Variants in TUB observed in about 807,000 individuals in gnomAD.
TUB encodes TUB bipartite transcription factor.
TUB carries 33 observed loss-of-function variants against 59.7 expected under a neutral mutation model. The ratio of observed to expected loss-of-function variants is 0.55; its 90% CI spans 0.42 to 0.74. The LOEUF is 0.74. Ranked by LOEUF, TUB falls within the 30% of genes least tolerant of loss-of-function variation. The probability of loss-of-function intolerance (pLI) is 0.00; values close to 1 mark genes in which losing one functional copy is unlikely to be tolerated. For synonymous variants in TUB, 293 were observed against 256.4 expected (o/e 1.14, Z -1.36); for missense variants, 659 against 672.0 (o/e 0.98, Z 0.21).
In TUB at chr11:8,106,238, T is replaced by C. The variant is rs1483569933; in HGVS notation, c.*4619T>C. On this transcript the variant is annotated 3_prime_UTR_variant, in exon 12 of 12. Transcript: ENST00000299506. ...ATCAACAAATTAAACTTGAATCGTT[T>C]CAACACTTCTGTGTACTTTTTTCAT... 1 of 152,228 alleles carries C rather than the reference T, an allele frequency of 6.6e-6. No individual in the cohort carries two copies. The highest frequency in any genetic ancestry group is 1.5e-5 in the Non-Finnish European group (1 of 68,038). 9.4% of individuals were successfully genotyped at this position (152,228 alleles called of 1,614,324 possible).
At chr11:8,028,488 T>C (rs2133705253) in intron 1 of TUB, among the ~76,000 whole-genome samples, 1 of 152,358 alleles carries the variant, frequency 6.6e-6, no homozygotes, top group African/African-American at 2.4e-5. Flanking sequence ...GTGTCATATC[T>C]AAGAATCCAT....
At chr11:8,024,424 C>CT (rs986384985) in intron 1 of TUB, among the ~76,000 whole-genome samples, 6 of 152,086 alleles carry the variant, frequency 3.9e-5, no homozygotes, top group African/African-American at 1.2e-4. Flanking sequence ...CACAACAGCC[C>CT]TTCCAAACCT....
At chr11:8,038,515 C>T (rs187722302), upstream of TUB, 1 of 770,836 alleles carries the variant, frequency 1.3e-6, no homozygotes, top group Non-Finnish European at 1.6e-6. Flanking sequence ...CCTTTGTCCG[C>T]AGTGCACTTG....
At chr11:8,028,270 TATC>T (rs1295522286) in intron 1 of TUB, among the ~76,000 whole-genome samples, 1 of 152,236 alleles carries the variant, frequency 6.6e-6, no homozygotes, top group African/African-American at 2.4e-5. Context: ...TCTAAGTTCT[TATC>T]ATTTTTAATT....
In TUB at chr11:8,101,601, C is replaced by T. The variant is rs1200769204; in HGVS notation, c.1503C>T (p.Ser501=). The part of the protein sequence containing the change: ...AFAIALSSFD[S]KLACE Reference sequence around the variant, plus strand: ...CCATTGCCCTGTCCAGCTTCGACAGCAAGCTGGCGTGCGAGTAGAGGCCTC... The same window carrying T: ...CCATTGCCCTGTCCAGCTTCGACAGTAAGCTGGCGTGCGAGTAGAGGCCTC... Residue 501 remains serine (S), a synonymous_variant, in exon 12 of 12, where the codon AGC becomes AGT. Coordinates refer to ENST00000299506, the MANE Select transcript of TUB (RefSeq NM_177972.3). The T allele has an allele frequency of 1.9e-6, 3 of 1,614,114 alleles. No homozygotes were observed. The highest frequency in any genetic ancestry group is 1.7e-6 in the Non-Finnish European group (2 of 1,180,040).
chr11:8,038,074 C>T (rs572839855), upstream of TUB, among the ~76,000 whole-genome samples: 7 of 152,196 alleles, frequency 4.6e-5, no homozygotes, highest in African/African-American at 1.4e-4. Context: ...CAGAAAGCTA[C>T]GATGGTGCCT....
intron 2 of TUB, among the ~76,000 whole-genome samples, chr11:8,054,047 G>A (rs10839971): frequency 0.99 from 150,185 of 151,644 alleles, 74,392 homozygotes; most frequent in Middle Eastern, 1. Flanking sequence ...CCCGGGAGGC[G>A]GAGCTTGCAG....
chr11:8,044,681 A>G (rs1942802556), intron 2 of TUB, among the ~76,000 whole-genome samples: 1 of 152,208 alleles, frequency 6.6e-6, no homozygotes, highest in Non-Finnish European at 1.5e-5. Flanking sequence ...CCCACAGTTT[A>G]AGGGCTCAGT....
rs1377319678 is a variant in TUB, at chr11:8,103,763, T to C, written c.*2144T>C. 6.5e-6 allele frequency: 1 copy of C among 152,698 alleles called. No individual in the cohort carries two copies. Among genetic ancestry groups the C allele is most frequent in the East Asian group, 1.9e-4 (1 of 5,194 alleles). 9.5% of individuals were successfully genotyped at this position (152,698 alleles called of 1,614,324 possible). On this transcript the variant is annotated 3_prime_UTR_variant, in exon 12 of 12. Coordinates refer to ENST00000299506, the MANE Select transcript of TUB (RefSeq NM_177972.3). ...TTGAGATGATGGAAACTAGATCGTC[T>C]CTAATGTTAGGTCAAGCTATTTCTC...
intron 4 of TUB, 123 bp downstream of exon 4, chr11:8,094,312 C>A: frequency 7.8e-7 from 1 of 1,287,192 alleles, no homozygotes; most frequent in Non-Finnish European, 1.1e-6. Flanking sequence ...AAGACACAGA[C>A]TGCCACTCTG....
In TUB at chr11:8,102,008, C is replaced by T; in HGVS notation, c.*389C>T. On this transcript the variant is annotated 3_prime_UTR_variant, in exon 12 of 12. Transcript: ENST00000299506. ...GGCTGCTGTGGCCCAGTCGTCCGCTCAGCCAAGGAGTCAGATGGCAATGGG... is the reference window on the plus strand; with the variant it reads ...GGCTGCTGTGGCCCAGTCGTCCGCTTAGCCAAGGAGTCAGATGGCAATGGG... 1 of 219,382 alleles carries T rather than the reference C, an allele frequency of 4.6e-6. No homozygotes were observed. The highest frequency in any genetic ancestry group is 9.1e-6 in the Non-Finnish European group (1 of 110,376). 13.6% of individuals were successfully genotyped at this position (219,382 alleles called of 1,614,324 possible). A position where few individuals can be genotyped will look rare whatever the true frequency, so the allele number is the denominator to read the frequency against.
chr11:8,104,637 GT>G lies in TUB; in HGVS notation c.*3020del, dbSNP rs1389169195. 8.5e-5 allele frequency: 13 copies of G among 152,296 alleles called. No homozygotes were observed. Among genetic ancestry groups the G allele is most frequent in the African/African-American group, 2.6e-4 (11 of 41,568 alleles). The allele number at this position is 152,296 out of a possible 1,614,324, so 9.4% of individuals were successfully genotyped here. A position where few individuals can be genotyped will look rare whatever the true frequency, so the allele number is the denominator to read the frequency against. ...GAAGATACCAGCTTTTTCTCTCAGGGTTCTGAGTCAGAGGACACCATCCAAG... is the reference window on the plus strand; with the variant it reads ...GAAGATACCAGCTTTTTCTCTCAGGGTCTGAGTCAGAGGACACCATCCAAG... On this transcript the variant is annotated 3_prime_UTR_variant, in exon 12 of 12. Transcript: ENST00000299506.
At chr11:8,087,305 CTTCT>C (rs1943687153) in intron 1 of TUB, among the ~76,000 whole-genome samples, 1 of 152,254 alleles carries the variant, frequency 6.6e-6, no homozygotes, top group African/African-American at 2.4e-5. Flanking sequence ...TGGAAGTCAT[CTTCT>C]TTGTCTTGCT....
At chr11:8,097,140 A>C in intron 6 of TUB, 88 bp from the exon 7 acceptor site, 1 of 1,448,564 alleles carries the variant, frequency 6.9e-7, no homozygotes, top group Non-Finnish European at 9.6e-7. Context: ...TCCCACCGCC[A>C]CGTTAGGAGG....
rs779297919 is a variant in TUB, at chr11:8,098,874, A to G, written c.1115A>G (p.Tyr372Cys). The G allele has an allele frequency of 6.2e-7, 1 of 1,610,468 alleles. No individual in the cohort carries two copies. Among genetic ancestry groups the G allele is most frequent in the Non-Finnish European group, 8.5e-7 (1 of 1,176,714 alleles). Residue 372 changes from tyrosine to cysteine, a missense_variant and splice_region_variant, in exon 9 of 12, where the codon TAC (tyrosine) becomes TGC (cysteine). Coordinates refer to ENST00000299506, the MANE Select transcript of TUB (RefSeq NM_177972.3). ...TLRQELAAVC[Y>C]ETNVLGFKGP... ...CGTCAGGAGCTGGCAGCTGTGTGCT[A>G]CGTGAGTCCTAGGTTCGGGGGTCTC... is the stretch of plus-strand genomic sequence containing the variant.
chr11:8,102,420 GGTT>G lies in TUB; in HGVS notation c.*805_*807del, dbSNP rs1944346785. Reference sequence around the variant, plus strand: ...TGCATGAACAGGGTCCCTGGATCAGGGTTGTTCTGGGAGTCCTGTCAGCTTCCC... The same window carrying G: ...TGCATGAACAGGGTCCCTGGATCAGGGTTCTGGGAGTCCTGTCAGCTTCCC... On this transcript the variant is annotated 3_prime_UTR_variant, in exon 12 of 12. Coordinates refer to ENST00000299506, the MANE Select transcript of TUB (RefSeq NM_177972.3). 6.6e-6 allele frequency: 1 copy of G among 152,202 alleles called. No homozygotes were observed. Among genetic ancestry groups the G allele is most frequent in the Non-Finnish European group, 1.5e-5 (1 of 68,066 alleles). 9.4% of individuals were successfully genotyped at this position (152,202 alleles called of 1,614,324 possible). A position where few individuals can be genotyped will look rare whatever the true frequency, so the allele number is the denominator to read the frequency against.
chr11:8,051,666 A>C (rs980268972), intron 2 of TUB, among the ~76,000 whole-genome samples: 1 of 152,190 alleles, frequency 6.6e-6, no homozygotes, highest in Non-Finnish European at 1.5e-5. Flanking sequence ...CTTCAATTAC[A>C]GTGTCTCTTG....
chr11:8,091,973 C>T (rs935600794), intron 3 of TUB, among the ~76,000 whole-genome samples: 4 of 152,234 alleles, frequency 2.6e-5, no homozygotes, highest in Admixed American at 2.6e-4. Context: ...AGAATAGGGG[C>T]CTGCACCCAG....
In TUB at chr11:8,105,144, A is replaced by G. The variant is rs1259929321; in HGVS notation, c.*3525A>G. 1.3e-5 allele frequency: 2 copies of G among 152,162 alleles called. No homozygotes were observed. The highest frequency in any genetic ancestry group is 1.3e-4 in the Admixed American group (2 of 15,274). The allele number at this position is 152,162 out of a possible 1,614,324, so 9.4% of individuals were successfully genotyped here. Reference sequence around the variant, plus strand: ...TGCAAGCACAAATTTCATCTCCTAGATGGACTTCCTGGTTTTCTCTTACTG... The same window carrying G: ...TGCAAGCACAAATTTCATCTCCTAGGTGGACTTCCTGGTTTTCTCTTACTG... On this transcript the variant is annotated 3_prime_UTR_variant, in exon 12 of 12. Transcript: ENST00000299506.
Sources: gnomAD v4.1 joint callset for allele counts (sites outside exome capture counted in the v4.1 genomes callset) on GRCh38, gnomAD v4.1.1 for gene constraint, MANE v1.5 for transcripts, NCBI Gene and HGNC (gene_info 2026-07-23, HGNC 2026-07-21) for gene names.